The following PCDH15 variants were observed in gnomAD, a reference collection of about 807,000 sequenced individuals.
PCDH15 encodes protocadherin-15.
In PCDH15, 129 loss-of-function variants were observed where a neutral mutation model predicts 178.5. The observed-to-expected ratio is 0.72, with a 90% CI of 0.63 to 0.84. The LOEUF is 0.84. PCDH15 is among the 40% of genes least tolerant of loss of function. The pLI, the probability that PCDH15 is intolerant of heterozygous loss-of-function variation, is 0.00. For missense variants in PCDH15, 2,230 were observed against 2,099.9 expected, an observed-to-expected ratio of 1.06 and a Z score of -1.21; for synonymous variants, 800 against 732.0, an observed-to-expected ratio of 1.09 and a Z score of -1.50.
chr10:55,258,151 G>T (rs993399756), intron 1 of PCDH15, among the ~76,000 whole-genome samples: 2 of 152,116 alleles, frequency 1.3e-5, no homozygotes, highest in Non-Finnish European at 2.9e-5. Flanking sequence ...CTTATCATTG[G>T]AATTTGCTAT....
At chr10:55,047,276 C>T (rs570749057) in intron 2 of PCDH15, among the ~76,000 whole-genome samples, 2 of 151,824 alleles carry the variant, frequency 1.3e-5, no homozygotes, top group Admixed American at 1.3e-4. Flanking sequence ...AATACAAAAA[C>T]AATTGGTTGC....
In PCDH15 at chr10:53,860,194, G is replaced by T. The variant is rs1293645040; in HGVS notation, c.3718-2931C>A. Among the ~76,000 whole-genome samples, 4 of 152,238 alleles carry T rather than the reference G, an allele frequency of 2.6e-5. 1 individual carries two copies. The East Asian group carries it at 7.7e-4, about 29-fold the overall frequency. On this transcript the variant is annotated intron_variant, in intron 27 of 37. Coordinates refer to ENST00000644397, the MANE Select transcript of PCDH15 (RefSeq NM_001384140.1). ...ACTTTGATAAGACTTTGTTCTATTT[G>T]TGTGGAAAATAATGAAATAAATATT... is the stretch of plus-strand genomic sequence containing the variant.
At chr10:54,899,115 TG>T (rs1954598469) in intron 2 of PCDH15, among the ~76,000 whole-genome samples, 2 of 152,148 alleles carry the variant, frequency 1.3e-5, no homozygotes, top group Admixed American at 1.3e-4. Context: ...GAAATTCAGC[TG>T]TATGAAGTTC....
chr10:53,825,954 GATGT>G, intron 32 of PCDH15, among the ~76,000 whole-genome samples: 1 of 151,520 alleles, frequency 6.6e-6, no homozygotes, highest in African/African-American at 2.4e-5. Flanking sequence ...GATTCCAGAT[GATGT>G]TATAGTATAC....
At position 55,519,803 on chromosome 10, in the gene PCDH15, T is replaced by C. The variant is rs1233694706; in HGVS notation, c.-156+107822A>G. On this transcript the variant is annotated intron_variant, in intron 2 of 5. Coordinates refer to the PCDH15 transcript ENST00000613346. ...CATTGTTTCTCTCAAAAGCTTTTAC[T>C]ATAAATGTCAAGCAACTTCTTTGTT... is the stretch of plus-strand genomic sequence containing the variant. 2.0e-5 allele frequency among the ~76,000 whole-genome samples: 3 copies of C among 151,402 alleles called. No individual in the cohort carries two copies. In the East Asian group the frequency reaches 5.9e-4, roughly 30 times the overall value.
intron 2 of PCDH15, among the ~76,000 whole-genome samples, chr10:54,959,684 A>G (rs1157807019): frequency 6.6e-6 from 1 of 152,098 alleles, no homozygotes; most frequent in Admixed American, 6.5e-5. Flanking sequence ...ATCAGCATCT[A>G]ACCTAGCCTT....
chr10:54,693,471 C>T (rs1355677289), intron 1 of PCDH15, among the ~76,000 whole-genome samples: 1 of 152,004 alleles, frequency 6.6e-6, no homozygotes, highest in African/African-American at 2.4e-5. Context: ...ATCTTGGTTT[C>T]TTAATATTTG....
chr10:54,496,855 C>T (rs986407831), intron 3 of PCDH15, among the ~76,000 whole-genome samples: 7 of 152,146 alleles, frequency 4.6e-5, no homozygotes, highest in East Asian at 1.9e-4. Context: ...TATCAGCTTA[C>T]GACCACCCTT....
intron 2 of PCDH15, among the ~76,000 whole-genome samples, chr10:55,442,512 C>A (rs1457075420): frequency 7.6e-5 from 10 of 132,334 alleles, no homozygotes; most frequent in African/African-American, 2.9e-4. Context: ...TAAGCTGGGG[C>A]TTCAGTAACT....
At chr10:55,366,318 G>A (rs1046530157) in intron 2 of PCDH15, 4 of 152,010 alleles carry the variant, frequency 2.6e-5, no homozygotes, top group African/African-American at 9.7e-5. Context: ...GACCAATAAA[G>A]TAAAACATAA....
At chr10:54,266,928 G>C (rs138834767) in intron 8 of PCDH15, among the ~76,000 whole-genome samples, 20 of 151,820 alleles carry the variant, frequency 1.3e-4, no homozygotes, top group African/African-American at 4.6e-4. Flanking sequence ...CTAACTTACT[G>C]TACAAAACCT....
At chr10:53,996,144 T>C (rs1482232154) in intron 20 of PCDH15, among the ~76,000 whole-genome samples, 1 of 151,964 alleles carries the variant, frequency 6.6e-6, no homozygotes, top group Non-Finnish European at 1.5e-5. Context: ...GCGTAAAAGA[T>C]TTTTTTTAAA....
At chr10:54,094,879 A>G (rs954789170) in intron 15 of PCDH15, among the ~76,000 whole-genome samples, 4 of 152,180 alleles carry the variant, frequency 2.6e-5, no homozygotes, top group Non-Finnish European at 4.4e-5. Flanking sequence ...ATTTTTCAGA[A>G]GCACCAATAG....
chr10:53,871,535 TAA>T (rs2079856638), intron 26 of PCDH15, among the ~76,000 whole-genome samples: 2 of 151,862 alleles, frequency 1.3e-5, no homozygotes, highest in African/African-American at 4.8e-5. Context: ...TATAGTTACC[TAA>T]GTTGTCATAA....
At chr10:54,904,501 TATATAATA>T (rs1204788888) in intron 2 of PCDH15, among the ~76,000 whole-genome samples, 1 of 152,108 alleles carries the variant, frequency 6.6e-6, no homozygotes, top group Non-Finnish European at 1.5e-5. Context: ...GAACAAAATC[TATATAATA>T]AGATGACAAA....
At chr10:54,777,464 G>A (rs974343881) in intron 1 of PCDH15, among the ~76,000 whole-genome samples, 1 of 152,158 alleles carries the variant, frequency 6.6e-6, no homozygotes, top group African/African-American at 2.4e-5. Flanking sequence ...CTTACAAGAG[G>A]ATTACCTCAT....
At chr10:54,977,783 C>T (rs897251765) in intron 2 of PCDH15, among the ~76,000 whole-genome samples, 1 of 152,070 alleles carries the variant, frequency 6.6e-6, no homozygotes, top group Admixed American at 6.6e-5. Context: ...ATCAGGATCC[C>T]TTTCTGGTAA....
chr10:53,937,450 A>G (rs981423590), intron 25 of PCDH15, among the ~76,000 whole-genome samples: 163 of 152,328 alleles, frequency 1.1e-3, no homozygotes, highest in African/African-American at 3.8e-3. Context: ...AATTGGAAGC[A>G]TCCTCTATAT....
At chr10:54,451,883 C>A (rs535892993) in intron 3 of PCDH15, among the ~76,000 whole-genome samples, 1 of 151,982 alleles carries the variant, frequency 6.6e-6, no homozygotes, top group East Asian at 1.9e-4. Flanking sequence ...TTAACTCATG[C>A]CAGACTTCAG....
Sources: allele counts gnomAD v4.1 joint callset (sites outside exome capture counted in the v4.1 genomes callset), GRCh38; gene constraint gnomAD v4.1.1; transcripts MANE v1.5; gene names NCBI Gene and HGNC (gene_info 2026-07-23, HGNC 2026-07-21).